Variants in SLC4A8 observed in about 807,000 individuals in gnomAD.
The protein encoded by SLC4A8 is solute carrier family 4 member 8.
SLC4A8 carries 40 observed loss-of-function variants against 125.0 expected under a neutral mutation model. The ratio of observed to expected loss-of-function variants is 0.32; its 90% confidence interval spans 0.25 to 0.42. The LOEUF (loss-of-function observed/expected upper bound fraction) is 0.42. Among genes scored for constraint, SLC4A8 ranks in the 10% least tolerant of loss-of-function variants. SLC4A8 has a pLI of 1.00. For missense variants in SLC4A8, 863 were observed against 1,355.1 expected, an observed-to-expected ratio of 0.64 and a Z score of 5.70; for synonymous variants, 456 against 476.0, an observed-to-expected ratio of 0.96 and a Z score of 0.55.
rs1202312953 is a variant in SLC4A8 at position 51,400,789 on chromosome 12, C to T, written c.-112+9301C>T. Among the ~76,000 whole-genome samples, 108 of 32,324 alleles carry T rather than the reference C, an allele frequency of 3.3e-3. 16 individuals carry two copies. Among genetic ancestry groups the T allele is most frequent in the Non-Finnish European group, 4.0e-3 (71 of 17,646 alleles). 21.2% of individuals were successfully genotyped at this position (32,324 alleles called of 152,430 possible). A position where few individuals can be genotyped will look rare whatever the true frequency, so the allele number is the denominator to read the frequency against. ...ATATATATATATATACATACATACA[C>T]ACACACACACACATATATAAACATA... On this transcript the variant is annotated intron_variant, in intron 1 of 24. Transcript: ENST00000358657.
At chr12:51,392,356 A>G (rs1592377294) in intron 1 of SLC4A8, among the ~76,000 whole-genome samples, 1 of 151,852 alleles carries the variant, frequency 6.6e-6, no homozygotes, top group South Asian at 2.1e-4. Context: ...GGCGGATCAC[A>G]AGGTTAGGAA....
At chr12:51,499,634 C>CACACAA (rs1937758372) in intron 22 of SLC4A8, among the ~76,000 whole-genome samples, 1 of 150,606 alleles carries the variant, frequency 6.6e-6, no homozygotes, top group Admixed American at 6.6e-5. Context: ...TACACACACA[C>CACACAA]ACACACACAC....
At chr12:51,423,052 A>AT (rs1028955611), upstream of SLC4A8, among the ~76,000 whole-genome samples, 32 of 152,190 alleles carry the variant, frequency 2.1e-4, no homozygotes, top group Non-Finnish European at 1.3e-4. Context: ...TGTTCAATAC[A>AT]TTTTTTATTA....
intron 10 of SLC4A8, among the ~76,000 whole-genome samples, 165 bp from the exon 11 acceptor site, chr12:51,463,446 TGTG>T (rs1950411979): frequency 6.6e-6 from 1 of 151,596 alleles, no homozygotes; most frequent in African/African-American, 2.4e-5. Flanking sequence ...TGTGTGTGTG[TGTG>T]TTTCGGTAAA....
At chr12:51,460,227 A>G in intron 8 of SLC4A8, 119 bp downstream of exon 8, 2 of 895,092 alleles carry the variant, frequency 2.2e-6, no homozygotes, top group Non-Finnish European at 3.6e-6. Flanking sequence ...TGGTGTTTAC[A>G]ATTCAGCAGA....
At chr12:51,396,697 A>T (rs1282967551) in intron 1 of SLC4A8, among the ~76,000 whole-genome samples, 1 of 148,392 alleles carries the variant, frequency 6.7e-6, no homozygotes, top group East Asian at 2.0e-4. Context: ...AAAAAAAAAG[A>T]CTAGTTTCCT....
At position 51,490,562 on chromosome 12, in the gene SLC4A8, CAAAAAAAAA is replaced by C. The variant is rs767679317; in HGVS notation, c.2700+625_2700+633del. 5.1e-4 allele frequency among the ~76,000 whole-genome samples: 19 copies of C among 37,578 alleles called. No individual in the cohort carries two copies. The East Asian group carries it at 9.3e-3, about 18-fold the overall frequency. The allele number at this position is 37,578 out of a possible 152,430, so 24.7% of individuals were successfully genotyped here. A position where few individuals can be genotyped will look rare whatever the true frequency, so the allele number is the denominator to read the frequency against. On this transcript the variant is annotated intron_variant, in intron 19 of 24. Transcript: ENST00000453097. ...AGGGCAACAGAGCGAGACTCCATCT[CAAAAAAAAA>C]AAAAAAAAAAAAAGATGAGGTGGAG...
intron 24 of SLC4A8, among the ~76,000 whole-genome samples, chr12:51,506,342 T>C (rs781552221): frequency 3.3e-5 from 5 of 152,256 alleles, no homozygotes; most frequent in Non-Finnish European, 7.3e-5. Context: ...CTATTTCACT[T>C]GTTACATAAT....
chr12:51,458,083 T>C (rs1348795098), intron 6 of SLC4A8, among the ~76,000 whole-genome samples: 4 of 152,170 alleles, frequency 2.6e-5, no homozygotes, highest in Admixed American at 2.0e-4. Flanking sequence ...AGTTAATCCA[T>C]GTGAGGCCCT....
intron 1 of SLC4A8, among the ~76,000 whole-genome samples, chr12:51,436,107 T>C (rs912539773): frequency 2.0e-5 from 3 of 152,198 alleles, no homozygotes; most frequent in African/African-American, 7.2e-5. Context: ...ATGGCTCTTA[T>C]TTACCTTTTG....
intron 1 of SLC4A8, among the ~76,000 whole-genome samples, chr12:51,413,630 G>A (rs887192769): frequency 5.3e-5 from 8 of 152,082 alleles, no homozygotes; most frequent in African/African-American, 1.9e-4. Flanking sequence ...ATTCTTCTGC[G>A]TATGGATAGC....
chr12:51,429,396 G>C (rs944272754), intron 1 of SLC4A8, among the ~76,000 whole-genome samples: 3 of 152,238 alleles, frequency 2.0e-5, no homozygotes, highest in African/African-American at 7.2e-5. Flanking sequence ...GATGGGAAGA[G>C]ACTGCAATGA....
chr12:51,461,056 T>C, intron 8 of SLC4A8, 148 bp from the exon 9 acceptor site: 1 of 490,428 alleles, frequency 2.0e-6, no homozygotes, highest in Non-Finnish European at 3.6e-6. Flanking sequence ...CTCAAAGTGC[T>C]CCTTCATTAC....
chr12:51,475,780 A>G (rs750466537), intron 16 of SLC4A8, among the ~76,000 whole-genome samples: 1 of 152,216 alleles, frequency 6.6e-6, no homozygotes, highest in Non-Finnish European at 1.5e-5. Flanking sequence ...TGGCAGGGCA[A>G]GATTAGAGGC....
chr12:51,489,878 G>T lies in SLC4A8; in HGVS notation c.2627G>T (p.Arg876Leu). ...PGEQPKFLGI[R>L]EQRVTGLMIF... ...GAACAGCCCAAGTTCCTGGGCATCCGAGAACAGAGAGTGACAGGCCTTATG... is the reference window on the plus strand; with the variant it reads ...GAACAGCCCAAGTTCCTGGGCATCCTAGAACAGAGAGTGACAGGCCTTATG... Residue 876 changes from arginine to leucine, a missense_variant, in exon 19 of 25, where the codon CGA becomes CTA. Around this residue, in one of 6 missense-constraint regions of SLC4A8, gnomAD observed 197 missense variants for 377.7 expected, o/e 0.52. Transcript: ENST00000453097. 1 of 1,614,192 alleles carries T rather than the reference G, an allele frequency of 6.2e-7. No homozygotes were observed. The highest frequency in any genetic ancestry group is 8.5e-7 in the Non-Finnish European group (1 of 1,180,030).
chr12:51,495,878 C>T (rs1456109060), intron 21 of SLC4A8, among the ~76,000 whole-genome samples: 2 of 152,152 alleles, frequency 1.3e-5, no homozygotes, highest in Non-Finnish European at 2.9e-5. Context: ...TGAATAGTAT[C>T]CCACTGTATG....
At chr12:51,428,794 A>T (rs531882576) in intron 1 of SLC4A8, among the ~76,000 whole-genome samples, 1 of 152,240 alleles carries the variant, frequency 6.6e-6, no homozygotes, top group Non-Finnish European at 1.5e-5. Flanking sequence ...AGTGTTTTTC[A>T]TGCATTATCT....
At chr12:51,505,484 G>T (rs1319471080) in intron 23 of SLC4A8, among the ~76,000 whole-genome samples, 1 of 152,262 alleles carries the variant, frequency 6.6e-6, no homozygotes, top group East Asian at 1.9e-4. Context: ...CATGCAGCAA[G>T]TGCTCCGTAA....
chr12:51,473,483 C>G (rs1183696024), intron 14 of SLC4A8, among the ~76,000 whole-genome samples: 1 of 152,090 alleles, frequency 6.6e-6, no homozygotes, highest in Non-Finnish European at 1.5e-5. Flanking sequence ...TTATAGCTTT[C>G]CCTATTACTT....
Sources: gnomAD v4.1 joint callset for allele counts (sites outside exome capture counted in the v4.1 genomes callset) on GRCh38, gnomAD v4.1.1 for gene constraint, gnomAD v4.1.1 regional missense constraint, MANE v1.5 for transcripts, NCBI Gene and HGNC (gene_info 2026-07-23, HGNC 2026-07-21) for gene names.